Variants in NR2C1 observed in about 807,000 individuals in gnomAD.
NR2C1 encodes nuclear receptor subfamily 2 group C member 1.
NR2C1 carries 33 observed loss-of-function variants against 74.8 expected under a neutral mutation model. That is an observed-to-expected ratio of 0.44 (90% CI 0.33 to 0.59). NR2C1 has a LOEUF of 0.59. Among genes scored for constraint, NR2C1 ranks in the 20% least tolerant of loss-of-function variants. The pLI is 0.02. For missense variants in NR2C1, 568 were observed against 715.6 expected, an observed-to-expected ratio of 0.79 and a Z score of 2.35; for synonymous variants, 225 against 240.6, an observed-to-expected ratio of 0.94 and a Z score of 0.60.
chr12:95,030,564 T>G, intron 11 of NR2C1: 1 of 1,613,056 alleles, frequency 6.2e-7, no homozygotes. Context: ...ATAAGTAAGA[T>G]GGGAATGTGA....
intron 7 of NR2C1, among the ~76,000 whole-genome samples, chr12:95,054,041 A>G (rs1419225586): frequency 3.9e-5 from 6 of 152,214 alleles, no homozygotes; most frequent in African/African-American, 7.2e-5. Flanking sequence ...TTCATTTATT[A>G]TAACAATCAG....
intron 2 of NR2C1, 62 bp downstream of exon 2, chr12:95,067,269 T>C (rs1250781096): frequency 4.7e-6 from 6 of 1,271,086 alleles, no homozygotes; most frequent in South Asian, 2.4e-5. Context: ...ACCTGGTATA[T>C]GCATTTAGTA....
intron 10 of NR2C1, among the ~76,000 whole-genome samples, chr12:95,032,169 C>G (rs1786580730): frequency 6.6e-6 from 1 of 152,182 alleles, no homozygotes; most frequent in Admixed American, 6.5e-5. Context: ...CTCCCAGCCT[C>G]TAGAATTATT....
intron 7 of NR2C1, among the ~76,000 whole-genome samples, chr12:95,055,810 G>A (rs1401931148): frequency 2.6e-5 from 4 of 151,794 alleles, no homozygotes; most frequent in Admixed American, 6.6e-5. Flanking sequence ...AAAATTAGCC[G>A]GGCGTGGTGG....
At chr12:95,073,327 C>T (rs1592813337) in intron 1 of NR2C1, 53 bp downstream of exon 1, 1 of 152,260 alleles carries the variant, frequency 6.6e-6, no homozygotes, top group East Asian at 1.9e-4. Flanking sequence ...AAGGGCACCC[C>T]CTGGCCCCCG....
At position 95,051,357 on chromosome 12, in the gene NR2C1, C is replaced by A. The variant is rs146829443; in HGVS notation, c.965+405G>T. Among the ~76,000 whole-genome samples, 21 of 152,286 alleles carry A rather than the reference C, an allele frequency of 1.4e-4. No individual in the cohort carries two copies. In the East Asian group the frequency reaches 3.9e-3, roughly 28 times the overall value. Reference sequence around the variant, plus strand: ...TAAATCTTTTCTGTATACGCCCAGACTCCCCCAAGTAAGCACGCCCACTAA... The same window carrying A: ...TAAATCTTTTCTGTATACGCCCAGAATCCCCCAAGTAAGCACGCCCACTAA... On this transcript the variant is annotated intron_variant, in intron 8 of 13. Coordinates refer to ENST00000333003, the MANE Select transcript of NR2C1 (RefSeq NM_003297.4).
chr12:95,025,902 C>T (rs780153500), intron 12 of NR2C1, among the ~76,000 whole-genome samples: 1 of 151,546 alleles, frequency 6.6e-6, no homozygotes. Context: ...AGGTAAATGA[C>T]TCAGCTTAAA....
At chr12:95,022,637 C>T (rs902977452) in intron 13 of NR2C1, among the ~76,000 whole-genome samples, 2 of 152,126 alleles carry the variant, frequency 1.3e-5, no homozygotes, top group Non-Finnish European at 2.9e-5. Context: ...CTACACTGTA[C>T]TGCCTCCACT....
intron 1 of NR2C1, among the ~76,000 whole-genome samples, chr12:95,069,262 A>T (rs2136208124): frequency 6.6e-6 from 1 of 152,336 alleles, no homozygotes; most frequent in East Asian, 1.9e-4. Flanking sequence ...TTAGGGAGAT[A>T]AACTATTTGT....
At chr12:95,048,344 G>C (rs1007974791) in intron 9 of NR2C1, among the ~76,000 whole-genome samples, 3 of 152,224 alleles carry the variant, frequency 2.0e-5, no homozygotes, top group African/African-American at 7.2e-5. Flanking sequence ...TTACGATATA[G>C]TAGTAGCTAG....
At chr12:95,058,166 T>C in intron 5 of NR2C1, 144 bp downstream of exon 5, 2 of 701,996 alleles carry the variant, frequency 2.8e-6, no homozygotes, top group South Asian at 2.3e-5. Context: ...AAAAAGTACA[T>C]ACGTAGGTCT....
In NR2C1 at chr12:95,059,979, T is replaced by C; in HGVS notation, c.291A>G (p.Leu97=). Reference sequence around the variant, plus strand: ...GTCCTTGGTCTGGAGAATTATCTGTTAGGAGCTAAAAAAAAAAAAAAAAAA... The same window carrying C: ...GTCCTTGGTCTGGAGAATTATCTGTCAGGAGCTAAAAAAAAAAAAAAAAAA... ...PDLSAQHLQL[L]TDNSPDQGPN... The change falls in exon 4 of 14, where the codon CTA becomes CTG. Residue 97 remains leucine, a synonymous_variant. Coordinates refer to ENST00000333003, the MANE Select transcript of NR2C1 (RefSeq NM_003297.4). 12 of 1,507,578 alleles carry C rather than the reference T, an allele frequency of 8.0e-6. No homozygotes were observed. Among genetic ancestry groups the C allele is most frequent in the South Asian group, 1.3e-5 (1 of 78,218 alleles). 93.4% of individuals were successfully genotyped at this position (1,507,578 alleles called of 1,614,324 possible). A position where few individuals can be genotyped will look rare whatever the true frequency, so the allele number is the denominator to read the frequency against.
In NR2C1 at chr12:95,052,051, A is replaced by T. The variant is rs576846211; in HGVS notation, c.784-108T>A. 6.0e-6 allele frequency: 4 copies of T among 667,522 alleles called. No individual in the cohort carries two copies. The South Asian group carries it at 1.3e-4, about 22-fold the overall frequency. The allele number at this position is 667,522 out of a possible 1,614,324, so 41.3% of individuals were successfully genotyped here. A position where few individuals can be genotyped will look rare whatever the true frequency, so the allele number is the denominator to read the frequency against. ...ATGCCAACAAAAGAACAGTATGATA[A>T]ATGAAACCTGGAAAGTTAAAGGGCT... On this transcript the variant is annotated intron_variant, in intron 7 of 13. Transcript: ENST00000333003.
intron 12 of NR2C1, among the ~76,000 whole-genome samples, chr12:95,027,764 T>G (rs2136094870): frequency 6.8e-6 from 1 of 147,576 alleles, no homozygotes; most frequent in East Asian, 1.9e-4. Flanking sequence ...TTCAATAGTT[T>G]TTAGTATGAA....
In NR2C1 at chr12:95,067,151, C is replaced by T. The variant is rs549391339; in HGVS notation, c.54+180G>A. 1.8e-4 allele frequency: 117 copies of T among 636,310 alleles called. 1 individual carries two copies. In the African/African-American group the frequency reaches 2.0e-3, roughly 11 times the overall value. The allele number at this position is 636,310 out of a possible 1,614,324, so 39.4% of individuals were successfully genotyped here. A position where few individuals can be genotyped will look rare whatever the true frequency, so the allele number is the denominator to read the frequency against. On this transcript the variant is annotated intron_variant, in intron 2 of 13. Transcript: ENST00000333003. Reference sequence around the variant, plus strand: ...TTGCACCTGATACAATGACCTGTCACAGAACTTACCACATTCTACTATGAA... The same window carrying T: ...TTGCACCTGATACAATGACCTGTCATAGAACTTACCACATTCTACTATGAA...
At chr12:95,062,764 A>G (rs1874987706) in intron 2 of NR2C1, 26 bp from the exon 3 acceptor site, 3 of 1,544,334 alleles carry the variant, frequency 1.9e-6, no homozygotes, top group Non-Finnish European at 1.8e-6. Context: ...AAAATAATCA[A>G]TGAAACTCAA....
At chr12:95,051,981 A>G in intron 7 of NR2C1, 38 bp from the exon 8 acceptor site, 1 of 1,387,248 alleles carries the variant, frequency 7.2e-7, no homozygotes. Context: ...GTGAATTGGT[A>G]TCACTATTTT....
At chr12:95,056,730 G>A (rs988480220) in intron 7 of NR2C1, among the ~76,000 whole-genome samples, 2 of 152,128 alleles carry the variant, frequency 1.3e-5, no homozygotes, top group South Asian at 2.1e-4. Flanking sequence ...AGGCCAAGGC[G>A]GGTGGATCAC....
chr12:95,030,605 A>G (rs1869961276), intron 11 of NR2C1: 1 of 1,613,360 alleles, frequency 6.2e-7, no homozygotes, highest in Non-Finnish European at 8.5e-7. Flanking sequence ...ATTTTTGATG[A>G]CATTTTAAGG....
Sources: gnomAD v4.1 joint callset for allele counts (sites outside exome capture counted in the v4.1 genomes callset) on GRCh38, gnomAD v4.1.1 for gene constraint, MANE v1.5 for transcripts, NCBI Gene and HGNC (gene_info 2026-07-23, HGNC 2026-07-21) for gene names.